Variants in KANSL1 observed in about 807,000 individuals in gnomAD.
The protein encoded by KANSL1 is MLL1/MLL complex subunit KANSL1.
In KANSL1, 22 loss-of-function variants were observed where a neutral mutation model predicts 103.6. The ratio of observed to expected loss-of-function variants is 0.21; its 90% CI spans 0.15 to 0.30. KANSL1 has a LOEUF of 0.30. Ranked by LOEUF, KANSL1 falls within the 10% of genes least tolerant of loss-of-function variation. The probability of loss-of-function intolerance (pLI) is 1.00; values close to 1 mark genes in which losing one functional copy is unlikely to be tolerated. For synonymous variants in KANSL1, 600 were observed against 527.6 expected (o/e 1.14, Z -1.88); for missense variants, 1,337 against 1,399.8 (o/e 0.96, Z 0.72).
chr17:46,032,915 T>C (rs1474648219), intron 13 of KANSL1, 165 bp downstream of exon 13: 1 of 605,538 alleles, frequency 1.7e-6, no homozygotes, highest in Admixed American at 3.1e-5. Flanking sequence ...GTATCTCCAC[T>C]AGTTCCAACA....
intron 2 of KANSL1, among the ~76,000 whole-genome samples, chr17:46,168,777 C>A (rs113577955): frequency 0.11 from 17,160 of 150,180 alleles, no homozygotes; most frequent in Non-Finnish European, 0.17. Flanking sequence ...GAGGATTCAA[C>A]TGATCCCAAA....
intron 1 of KANSL1, among the ~76,000 whole-genome samples, chr17:46,218,981 C>T (rs551834517): frequency 2.6e-4 from 40 of 151,082 alleles, no homozygotes; most frequent in African/African-American, 9.3e-4. Flanking sequence ...TGAGATTAGG[C>T]CGGGCACGGT....
At chr17:46,125,717 A>G (rs2043523441) in intron 2 of KANSL1, among the ~76,000 whole-genome samples, 1 of 151,988 alleles carries the variant, frequency 6.6e-6, no homozygotes, top group Non-Finnish European at 1.5e-5. Context: ...AACAAAGCCA[A>G]CTCTTATGTC....
chr17:46,150,065 C>CAAA (rs61494872), intron 2 of KANSL1, among the ~76,000 whole-genome samples: 55 of 107,670 alleles, frequency 5.1e-4, no homozygotes, highest in Admixed American at 8.3e-4. Context: ...CTTTCCTTAC[C>CAAA]AAAAAAAAAA....
intron 2 of KANSL1, among the ~76,000 whole-genome samples, chr17:46,165,664 C>A (rs2045959594): frequency 6.6e-6 from 1 of 151,814 alleles, no homozygotes. Context: ...GCGTGCACCA[C>A]CACGCCTGGC....
chr17:46,075,331 A>C (rs1389502721), intron 4 of KANSL1, among the ~76,000 whole-genome samples: 1 of 147,168 alleles, frequency 6.8e-6, no homozygotes, highest in Non-Finnish European at 1.5e-5. Flanking sequence ...CTACTATTTC[A>C]ACACACACAC....
At chr17:46,167,082 G>A (rs1343946312) in intron 2 of KANSL1, among the ~76,000 whole-genome samples, 3 of 150,992 alleles carry the variant, frequency 2.0e-5, no homozygotes, top group African/African-American at 4.9e-5. Flanking sequence ...AGGAGAGAGA[G>A]ACCTACATAA....
chr17:46,034,129 G>A, intron 11 of KANSL1, 32 bp downstream of exon 11: 4 of 1,610,938 alleles, frequency 2.5e-6, no homozygotes, highest in Non-Finnish European at 3.4e-6. Context: ...CAGGAAGAAT[G>A]GGGAGAGGAG....
chr17:46,219,852 C>T (rs188709980), intron 1 of KANSL1, among the ~76,000 whole-genome samples: 116 of 152,278 alleles, frequency 7.6e-4, no homozygotes, highest in African/African-American at 2.6e-3. Flanking sequence ...GCCTGTAATC[C>T]CAGCACTTTG....
chr17:46,095,338 T>G (rs1430719017), intron 2 of KANSL1, among the ~76,000 whole-genome samples: 1 of 152,122 alleles, frequency 6.6e-6, no homozygotes, highest in African/African-American at 2.4e-5. Flanking sequence ...GATCTAAAAG[T>G]TCACATGGAA....
At chr17:46,183,633 A>AG (rs1406161163) in intron 1 of KANSL1, among the ~76,000 whole-genome samples, 1 of 150,558 alleles carries the variant, frequency 6.6e-6, no homozygotes, top group Non-Finnish European at 1.5e-5. Flanking sequence ...AAGGAGGGAA[A>AG]GAAGGAAGGA....
chr17:46,172,734 T>C (rs899591543), intron 1 of KANSL1, among the ~76,000 whole-genome samples: 1 of 152,250 alleles, frequency 6.6e-6, no homozygotes, highest in Non-Finnish European at 1.5e-5. Flanking sequence ...CTCACTTCTC[T>C]AGAAGTATAG....
At chr17:46,048,387 G>GTTT (rs2146460087) in intron 7 of KANSL1, among the ~76,000 whole-genome samples, 1 of 151,882 alleles carries the variant, frequency 6.6e-6, no homozygotes, top group African/African-American at 2.4e-5. Flanking sequence ...GGCCAACATG[G>GTTT]TAAAACCCCA....
chr17:46,173,021 C>T (rs1028515110), intron 1 of KANSL1, among the ~76,000 whole-genome samples: 1 of 152,210 alleles, frequency 6.6e-6, no homozygotes, highest in African/African-American at 2.4e-5. Flanking sequence ...ATTTCACCCC[C>T]TACTGCTCTG....
chr17:46,097,082 G>C (rs1302205702), intron 2 of KANSL1, among the ~76,000 whole-genome samples: 1 of 152,150 alleles, frequency 6.6e-6, no homozygotes, highest in Non-Finnish European at 1.5e-5. Flanking sequence ...TCTGCATAAG[G>C]AAACAGGTTC....
At chr17:46,179,262 T>A (rs148961330) in intron 1 of KANSL1, among the ~76,000 whole-genome samples, 125 of 152,296 alleles carry the variant, frequency 8.2e-4, no homozygotes, top group African/African-American at 2.8e-3. Flanking sequence ...GCAAAACGTA[T>A]CCAGCTGCTT....
chr17:46,122,212 T>G (rs527327955), intron 2 of KANSL1, among the ~76,000 whole-genome samples: 1 of 152,214 alleles, frequency 6.6e-6, no homozygotes, highest in Non-Finnish European at 1.5e-5. Flanking sequence ...AGAAGTTCCT[T>G]TGACTCTCTT....
intron 14 of KANSL1, 142 bp downstream of exon 14, chr17:46,031,905 C>A: frequency 8.2e-7 from 1 of 1,224,278 alleles, no homozygotes; most frequent in South Asian, 1.4e-5. Context: ...TTCCACTGAA[C>A]GTTGAGGAGA....
chr17:46,036,932 G>T (rs1464928788), intron 10 of KANSL1, among the ~76,000 whole-genome samples: 2 of 151,966 alleles, frequency 1.3e-5, no homozygotes, highest in African/African-American at 4.8e-5. Flanking sequence ...GGATGGTCTC[G>T]AACTCCTGAC....
Sources: allele counts gnomAD v4.1 joint callset (sites outside exome capture counted in the v4.1 genomes callset), GRCh38; gene constraint gnomAD v4.1.1; transcripts MANE v1.5; gene names NCBI Gene and HGNC (gene_info 2026-07-23, HGNC 2026-07-21).